PCDHA6: variants seen among roughly 807,000 people sequenced by gnomAD.
PCDHA6 encodes the protein protocadherin alpha 6, also known as protocadherin alpha-6.
Under a neutral mutation model 60.3 loss-of-function variants are expected in PCDHA6, and 55 were observed. The observed-to-expected ratio is 0.91, with a 90% CI of 0.73 to 1.14. The LOEUF is 1.14. Among genes scored for constraint, PCDHA6 ranks in the 50% most tolerant of loss-of-function variants. The probability of loss-of-function intolerance (pLI) is 0.00; values close to 1 mark genes in which losing one functional copy is unlikely to be tolerated. For missense variants in PCDHA6, 1,327 were observed against 1,256.5 expected (o/e 1.06, Z -0.85); for synonymous variants, 652 against 557.9 (o/e 1.17, Z -2.38).
chr5:140,843,871 A>G, intron 1 of PCDHA6: 1 of 816,250 alleles, frequency 1.2e-6, no homozygotes, highest in East Asian at 2.7e-5. Context: ...GAATTTTCTC[A>G]GTGGCATAAT....
At chr5:140,836,095 G>T in intron 1 of PCDHA6, 2 of 1,613,694 alleles carry the variant, frequency 1.2e-6, no homozygotes, top group Non-Finnish European at 1.7e-6. Context: ...CCTCGGGTGG[G>T]TGGCACTGGT....
intron 3 of PCDHA6, among the ~76,000 whole-genome samples, chr5:140,989,704 A>G (rs1011656518): frequency 9.2e-5 from 14 of 152,202 alleles, no homozygotes; most frequent in Admixed American, 9.2e-4. Context: ...TTTTATCTTC[A>G]GAGGCAGTCA....
intron 1 of PCDHA6, chr5:140,856,974 T>C: frequency 6.3e-7 from 1 of 1,594,506 alleles, no homozygotes; most frequent in African/African-American, 1.3e-5. Context: ...GCTATTGACT[T>C]TGAGGACAGT....
At chr5:140,974,910 C>T (rs1054560750) in intron 1 of PCDHA6, among the ~76,000 whole-genome samples, 1 of 152,114 alleles carries the variant, frequency 6.6e-6, no homozygotes, top group Admixed American at 6.5e-5. Flanking sequence ...AACAAATTAC[C>T]ACAAGTAAGT....
chr5:140,927,995 AC>A, intron 1 of PCDHA6: 5 of 1,614,042 alleles, frequency 3.1e-6, no homozygotes, highest in Non-Finnish European at 4.2e-6. Flanking sequence ...AAGGATGAAG[AC>A]CTCGATTCTA....
chr5:140,872,307 C>T (rs1329371918), intron 1 of PCDHA6, among the ~76,000 whole-genome samples: 2 of 152,046 alleles, frequency 1.3e-5, no homozygotes, highest in East Asian at 3.9e-4. Flanking sequence ...TTATATGCTG[C>T]TTTATGGAAA....
intron 1 of PCDHA6, among the ~76,000 whole-genome samples, chr5:140,888,250 G>A (rs2061753546): frequency 6.6e-6 from 1 of 152,128 alleles, no homozygotes; most frequent in African/African-American, 2.4e-5. Flanking sequence ...CTTTAAAGCA[G>A]TAGTTCTTGA....
At position 140,828,582 on chromosome 5, in the gene PCDHA6, C is replaced by A; in HGVS notation, c.491C>A (p.Ser164Ter). The A allele has an allele frequency of 6.2e-7, 1 of 1,614,224 alleles. No homozygotes were observed. The highest frequency in any genetic ancestry group is 8.5e-7 in the Non-Finnish European group (1 of 1,180,038). ...GGCGCGTCCGATGCAGATGTTGGCTCAAATTCCATCTTAACCTATAAACTC... is the reference window on the plus strand; with the variant it reads ...GGCGCGTCCGATGCAGATGTTGGCTAAAATTCCATCTTAACCTATAAACTC... ...LEGASDADVG[S>*]NSILTYKLSS... Residue 164 changes from serine to a stop codon, truncating the protein, a stop_gained, in exon 1 of 4, where the codon TCA becomes TAA. Coordinates refer to ENST00000529310, the MANE Select transcript of PCDHA6 (RefSeq NM_018909.4). LOFTEE classifies it high-confidence loss of function.
intron 1 of PCDHA6, chr5:140,856,278 A>G (rs1428005980): frequency 4.4e-6 from 7 of 1,598,190 alleles, no homozygotes; most frequent in Non-Finnish European, 6.0e-6. Context: ...CTGGAGGTAA[A>G]TCTGCAGAAT....
chr5:140,875,902 G>C (rs192382804), intron 1 of PCDHA6: 14 of 1,614,160 alleles, frequency 8.7e-6, no homozygotes, highest in Non-Finnish European at 1.2e-5. Flanking sequence ...ACCTGTTTCT[G>C]AATCTGCGCC....
chr5:140,928,351 G>A lies in PCDHA6; in HGVS notation c.2395-50598G>A, dbSNP rs201396871. ...CCTTGTCTCTTATGAGCTGTTGGAT[G>A]TTATCTCTGAAGGGCCATCAGCCTC... On this transcript the variant is annotated intron_variant, in intron 1 of 3. Coordinates refer to ENST00000529310, the MANE Select transcript of PCDHA6 (RefSeq NM_018909.4). The A allele has an allele frequency of 1.2e-5, 20 of 1,614,150 alleles. No individual in the cohort carries two copies. In the East Asian group the frequency reaches 4.5e-4, roughly 36 times the overall value.
At position 140,853,506 on chromosome 5, in the gene PCDHA6, A is replaced by G. The variant is rs1198826408; in HGVS notation, c.2394+23021A>G. On this transcript the variant is annotated intron_variant, in intron 1 of 3. Transcript: ENST00000529310. ...TCAATTCAAGTTAGAATCATGAAAC[A>G]ATAATGAAGCTCCTCCTATGTCTCT... The G allele has an allele frequency of 4.1e-6, 4 of 977,436 alleles. 1 individual carries two copies. The African/African-American group carries it at 7.1e-5, about 17-fold the overall frequency. The allele number at this position is 977,436 out of a possible 1,614,324, so 60.5% of individuals were successfully genotyped here. A position where few individuals can be genotyped will look rare whatever the true frequency, so the allele number is the denominator to read the frequency against.
At chr5:140,858,637 A>G in intron 1 of PCDHA6, 1 of 969,728 alleles carries the variant, frequency 1.0e-6, no homozygotes, top group Non-Finnish European at 1.5e-6. Context: ...TCAGCCTTTG[A>G]TTGGTACTTA....
At chr5:140,858,063 G>T in intron 1 of PCDHA6, 1 of 1,597,700 alleles carries the variant, frequency 6.3e-7, no homozygotes, top group Non-Finnish European at 8.6e-7. Flanking sequence ...GTGGAGGGCA[G>T]CCAGGCACCC....
chr5:140,829,699 C>A lies in PCDHA6; in HGVS notation c.1608C>A (p.Ser536Arg), dbSNP rs2150172721. Residue 536 changes from serine to arginine, a missense_variant, in exon 1 of 4, where the codon AGC (serine) becomes AGA (arginine). Coordinates refer to ENST00000529310, the MANE Select transcript of PCDHA6 (RefSeq NM_018909.4). ...TAGAGCTGCTGCAGTTTCAGGTGAG[C>A]GCGCGCGACGCGGGCGTGCCGCCTC... Reference protein sequence around the residue: ...EELELLQFQVSARDAGVPPLG... With the variant: ...EELELLQFQVRARDAGVPPLG... The A allele has an allele frequency of 2.2e-3, 3,484 of 1,613,252 alleles. 64 individuals carry two copies. The African/African-American group carries it at 0.041, about 19-fold the overall frequency.
chr5:140,875,874 A>G (rs782173743), intron 1 of PCDHA6: 2 of 1,614,188 alleles, frequency 1.2e-6, no homozygotes, highest in East Asian at 4.5e-5. Context: ...CGGTGTTCAG[A>G]GAAAGGGAAC....
At chr5:140,909,082 G>T (rs1190064294) in intron 1 of PCDHA6, among the ~76,000 whole-genome samples, 2 of 152,184 alleles carry the variant, frequency 1.3e-5, no homozygotes, top group Non-Finnish European at 2.9e-5. Context: ...CAGTGTGTTT[G>T]CTACTTCTCA....
chr5:140,903,647 T>A (rs1583499959), intron 1 of PCDHA6, among the ~76,000 whole-genome samples: 1 of 152,228 alleles, frequency 6.6e-6, no homozygotes, highest in East Asian at 1.9e-4. Flanking sequence ...ACCATATACA[T>A]ATATTATAAA....
At chr5:140,876,143 G>A in intron 1 of PCDHA6, 1 of 1,613,870 alleles carries the variant, frequency 6.2e-7, no homozygotes, top group South Asian at 1.1e-5. Flanking sequence ...GAACTAACAG[G>A]GTCTGTCCAG....
Sources: allele counts gnomAD v4.1 joint callset (sites outside exome capture counted in the v4.1 genomes callset), GRCh38; gene constraint gnomAD v4.1.1; transcripts MANE v1.5; gene names NCBI Gene and HGNC (gene_info 2026-07-23, HGNC 2026-07-21).